The following VAT1L variants were observed in gnomAD, a reference collection of about 807,000 sequenced individuals.
The protein encoded by VAT1L is vesicle amine transport 1 like.
A neutral mutation model predicts 44.1 loss-of-function variants in VAT1L; 34 were observed. That is an observed-to-expected ratio of 0.77 (90% CI 0.59 to 1.03). The LOEUF is 1.03. Among genes scored for constraint, VAT1L ranks in the 50% least tolerant of loss-of-function variants. The pLI is 0.00. For synonymous variants in VAT1L, 253 were observed against 202.2 expected (o/e 1.25, Z -2.13); for missense variants, 615 against 538.8 (o/e 1.14, Z -1.40).
At chr16:77,932,021 C>A (rs571831661) in intron 7 of VAT1L, among the ~76,000 whole-genome samples, 5 of 151,768 alleles carry the variant, frequency 3.3e-5, no homozygotes, top group African/African-American at 1.2e-4. Flanking sequence ...CACGCCTGAG[C>A]ATTTAGTTCA....
chr16:77,934,862 G>A (rs907235911), intron 7 of VAT1L, among the ~76,000 whole-genome samples: 2 of 152,212 alleles, frequency 1.3e-5, no homozygotes, highest in Non-Finnish European at 2.9e-5. Flanking sequence ...ATGGAGACAT[G>A]AGGATGAGTA....
In VAT1L at chr16:77,884,811, G is replaced by A; in HGVS notation, c.1077+9G>A. The stretch of plus-strand genomic sequence containing the variant: ...TGTGGGCTCTGGAGGAGGTAAGAAT[G>A]GTGCTTTTCTTCTGCAAATAAACTC... On this transcript the variant is annotated intron_variant, in intron 7 of 8. Coordinates refer to ENST00000302536, the MANE Select transcript of VAT1L (RefSeq NM_020927.3). This position sits in a 1 kb window ranked among gnomAD's most constrained non-coding sequence, Gnocchi z 4.5. The A allele has an allele frequency of 6.8e-7, 1 of 1,460,598 alleles. No homozygotes were observed. Among genetic ancestry groups the A allele is most frequent in the Non-Finnish European group, 9.0e-7 (1 of 1,106,876 alleles). The allele number at this position is 1,460,598 out of a possible 1,614,324, so 90.5% of individuals were successfully genotyped here.
At chr16:77,918,026 C>T (rs34668836) in intron 7 of VAT1L, among the ~76,000 whole-genome samples, 13,188 of 152,208 alleles carry the variant, frequency 0.087, 774 homozygotes, top group Non-Finnish European at 0.13. Context: ...AAAGAAAGAG[C>T]AGAGACACAG....
At chr16:77,793,466 A>G (rs1449572113) in intron 1 of VAT1L, among the ~76,000 whole-genome samples, 1 of 152,164 alleles carries the variant, frequency 6.6e-6, no homozygotes, top group Admixed American at 6.5e-5. Flanking sequence ...AACTGATACA[A>G]GTCAGAACTG....
intron 3 of VAT1L, among the ~76,000 whole-genome samples, chr16:77,859,621 C>T (rs1030109841): frequency 6.6e-6 from 1 of 152,120 alleles, no homozygotes; most frequent in Non-Finnish European, 1.5e-5. Context: ...TGGAAACAGC[C>T]AGGTCAGGTG....
intron 1 of VAT1L, among the ~76,000 whole-genome samples, chr16:77,816,696 AT>A (rs2016361044): frequency 6.6e-6 from 1 of 152,022 alleles, no homozygotes; most frequent in South Asian, 2.1e-4. Flanking sequence ...CCACAAATGT[AT>A]TGCTTATCTG....
Position 77,788,628 on chromosome 16 carries a change from A to C in VAT1L, c.-55A>C, listed in dbSNP as rs1374904881. 4.6e-6 allele frequency: 7 copies of C among 1,536,184 alleles called. No individual in the cohort carries two copies. The highest frequency in any genetic ancestry group is 6.1e-6 in the Non-Finnish European group (7 of 1,139,808). ...CGCGGGAGAGGAGCCCCACTCCCCC[A>C]GCGCCGCAGCCACCGCAGCCACCGC... On this transcript the variant is annotated 5_prime_UTR_variant, in exon 1 of 9. Coordinates refer to ENST00000302536, the MANE Select transcript of VAT1L (RefSeq NM_020927.3).
chr16:77,887,026 T>G (rs911999109), intron 7 of VAT1L, among the ~76,000 whole-genome samples: 8 of 152,208 alleles, frequency 5.3e-5, no homozygotes, highest in African/African-American at 1.9e-4. Context: ...GGTGATATCA[T>G]GCTTATTGAG....
intron 7 of VAT1L, among the ~76,000 whole-genome samples, chr16:77,956,790 C>T (rs969820198): frequency 2.6e-5 from 4 of 152,168 alleles, no homozygotes; most frequent in African/African-American, 9.7e-5. Context: ...TAGAATCGCT[C>T]TTTTATTTCC....
chr16:77,794,802 A>G (rs1287189872), intron 1 of VAT1L, among the ~76,000 whole-genome samples: 1 of 152,164 alleles, frequency 6.6e-6, no homozygotes, highest in Non-Finnish European at 1.5e-5. Flanking sequence ...CTCCATGCTG[A>G]GTCATATTTA....
rs2017124888 is a variant in VAT1L at position 77,879,373 on chromosome 16, C to T, written c.882+149C>T. ...TGGCACGATCTCGGCTCATGGCAAC[C>T]TCCGACTCCCTGGTTCAAGCGATTC... On this transcript the variant is annotated intron_variant, in intron 6 of 8. Transcript: ENST00000302536. The surrounding 1 kb of genome is among the most constrained non-coding windows in gnomAD (Gnocchi z 4.1). 4 of 797,820 alleles carry T rather than the reference C, an allele frequency of 5.0e-6. No homozygotes were observed. The highest frequency in any genetic ancestry group is 5.3e-5 in the East Asian group (2 of 37,588). The allele number at this position is 797,820 out of a possible 1,614,324, so 49.4% of individuals were successfully genotyped here.
At chr16:77,968,865 C>CG (rs2018250749) in intron 7 of VAT1L, among the ~76,000 whole-genome samples, 1 of 152,050 alleles carries the variant, frequency 6.6e-6, no homozygotes, top group South Asian at 2.1e-4. Context: ...GTTGCCCAGG[C>CG]GGGAGCACAG....
At chr16:77,878,620 C>T (rs754983113) in intron 5 of VAT1L, among the ~76,000 whole-genome samples, 1 of 152,130 alleles carries the variant, frequency 6.6e-6, no homozygotes, top group Non-Finnish European at 1.5e-5. Flanking sequence ...CTCTTTGGAG[C>T]TGACACATGG....
At position 77,946,218 on chromosome 16, in the gene VAT1L, A is replaced by G. The variant is rs117121058; in HGVS notation, c.1078-25632A>G. Reference sequence around the variant, plus strand: ...TATAATGGCTACATAATATTCTAACAAACAGCTCTAACAGAGTTTACTCAA... The same window carrying G: ...TATAATGGCTACATAATATTCTAACGAACAGCTCTAACAGAGTTTACTCAA... On this transcript the variant is annotated intron_variant, in intron 7 of 8. Coordinates refer to ENST00000302536, the MANE Select transcript of VAT1L (RefSeq NM_020927.3). 4.4e-3 allele frequency among the ~76,000 whole-genome samples: 659 copies of G among 150,802 alleles called. 3 individuals are homozygous for G. Among genetic ancestry groups the G allele is most frequent in the Non-Finnish European group, 7.6e-3 (515 of 67,814 alleles).
intron 3 of VAT1L, among the ~76,000 whole-genome samples, chr16:77,830,634 C>T (rs897134489): frequency 1.3e-5 from 2 of 152,170 alleles, no homozygotes; most frequent in African/African-American, 4.8e-5. Flanking sequence ...TGCCTTCCAC[C>T]ATGATTAGGA....
chr16:77,970,534 CTT>C (rs913942441), intron 7 of VAT1L, among the ~76,000 whole-genome samples: 2 of 152,144 alleles, frequency 1.3e-5, no homozygotes, highest in Non-Finnish European at 1.5e-5. Flanking sequence ...CTGTATATAT[CTT>C]TATCTTCTTT....
chr16:77,957,203 AT>A (rs2018113050), intron 7 of VAT1L, among the ~76,000 whole-genome samples: 1 of 152,150 alleles, frequency 6.6e-6, no homozygotes, highest in South Asian at 2.1e-4. Context: ...GAATTCTTAA[AT>A]TTTTAGCCCT....
At chr16:77,893,625 G>A (rs2017291274) in intron 7 of VAT1L, among the ~76,000 whole-genome samples, 1 of 152,296 alleles carries the variant, frequency 6.6e-6, no homozygotes, top group Non-Finnish European at 1.5e-5. Flanking sequence ...ATTTCTAGAG[G>A]ATTCGCTAAG....
intron 3 of VAT1L, among the ~76,000 whole-genome samples, chr16:77,862,070 G>T (rs1426800556): frequency 6.6e-6 from 1 of 152,202 alleles, no homozygotes; most frequent in East Asian, 1.9e-4. Flanking sequence ...GAAGTAGGTG[G>T]CATTGTAAGA....
Sources: gnomAD v4.1 joint callset for allele counts (sites outside exome capture counted in the v4.1 genomes callset) on GRCh38, gnomAD v4.1.1 for gene constraint, Gnocchi (gnomAD v3.1) non-coding constraint, MANE v1.5 for transcripts, NCBI Gene and HGNC (gene_info 2026-07-23, HGNC 2026-07-21) for gene names.